The following FOXJ3 variants were observed in gnomAD, a reference collection of about 807,000 sequenced individuals.
FOXJ3 encodes forkhead box J3.
In FOXJ3, 22 loss-of-function variants were observed where a neutral mutation model predicts 76.1. The ratio of observed to expected loss-of-function variants is 0.29; its 90% CI spans 0.21 to 0.41. The LOEUF is 0.41. Ranked by LOEUF, FOXJ3 falls within the 10% of genes least tolerant of loss-of-function variation. The pLI is 1.00. For missense variants in FOXJ3, 613 were observed against 762.1 expected (o/e 0.80, Z 2.30); for synonymous variants, 269 against 261.2 (o/e 1.03, Z -0.29).
intron 2 of FOXJ3, among the ~76,000 whole-genome samples, chr1:42,287,747 G>A (rs1399070085): frequency 5.9e-5 from 9 of 152,108 alleles, no homozygotes; most frequent in Admixed American, 3.3e-4. Context: ...GATCGCTTGA[G>A]CCCAGGAGTT....
intron 2 of FOXJ3, among the ~76,000 whole-genome samples, chr1:42,286,790 C>T (rs989940170): frequency 2.6e-5 from 4 of 151,914 alleles, no homozygotes; most frequent in African/African-American, 7.2e-5. Context: ...TGTGCCACCA[C>T]GCCCGGTTAA....
chr1:42,228,325 T>C (rs1647753207), intron 4 of FOXJ3, among the ~76,000 whole-genome samples: 2 of 152,128 alleles, frequency 1.3e-5, no homozygotes, highest in Admixed American at 1.3e-4. Context: ...GTAGTTTCTA[T>C]AGCCCAGGAC....
At chr1:42,271,936 C>T (rs1442742433) in intron 3 of FOXJ3, among the ~76,000 whole-genome samples, 2 of 152,126 alleles carry the variant, frequency 1.3e-5, no homozygotes, top group Non-Finnish European at 2.9e-5. Flanking sequence ...GAGCCATGAG[C>T]CCCCACTGCA....
intron 5 of FOXJ3, among the ~76,000 whole-genome samples, chr1:42,209,519 GGA>G (rs1646925653): frequency 6.6e-6 from 1 of 152,106 alleles, no homozygotes; most frequent in Non-Finnish European, 1.5e-5. Context: ...AGCTTGAGTG[GGA>G]GAGAGACTTC....
In FOXJ3 at chr1:42,181,809, A is replaced by G; in HGVS notation, c.1753+108T>C. ...TCTCAATATTAAACTCTGGGTAATA[A>G]CTGACACACACACACACACTCTCTC... On this transcript the variant is annotated intron_variant, in intron 12 of 12. Transcript: ENST00000361346. 6.1e-6 allele frequency: 4 copies of G among 655,058 alleles called. No individual in the cohort carries two copies. In the South Asian group the frequency reaches 8.4e-5, roughly 14 times the overall value. 40.6% of individuals were successfully genotyped at this position (655,058 alleles called of 1,614,324 possible). A position where few individuals can be genotyped will look rare whatever the true frequency, so the allele number is the denominator to read the frequency against.
chr1:42,297,299 G>A (rs574714938), intron 2 of FOXJ3, among the ~76,000 whole-genome samples: 2 of 152,210 alleles, frequency 1.3e-5, no homozygotes, highest in Admixed American at 1.3e-4. Flanking sequence ...AGGATTTCCA[G>A]TACTATGTTG....
intron 5 of FOXJ3, among the ~76,000 whole-genome samples, chr1:42,207,157 C>T (rs1646876782): frequency 6.6e-6 from 1 of 152,118 alleles, no homozygotes; most frequent in Admixed American, 6.5e-5. Flanking sequence ...TGTATATTTA[C>T]ATCCATTAAT....
chr1:42,244,378 T>A (rs1056502028), intron 4 of FOXJ3, among the ~76,000 whole-genome samples: 1 of 152,150 alleles, frequency 6.6e-6, no homozygotes, highest in African/African-American at 2.4e-5. Context: ...TAGCCTGGCA[T>A]GGTGACATCT....
intron 4 of FOXJ3, among the ~76,000 whole-genome samples, chr1:42,242,042 C>G (rs2124526133): frequency 6.6e-6 from 1 of 152,294 alleles, no homozygotes; most frequent in Middle Eastern, 3.4e-3. Context: ...ATGGAGACTA[C>G]ACTGCTACAT....
chr1:42,206,969 T>G (rs888793443), intron 5 of FOXJ3, among the ~76,000 whole-genome samples: 5 of 152,062 alleles, frequency 3.3e-5, no homozygotes, highest in African/African-American at 1.2e-4. Context: ...TAGCTGGGAT[T>G]ACAGGTGTGT....
chr1:42,316,229 C>A (rs575585460), intron 1 of FOXJ3, among the ~76,000 whole-genome samples: 1 of 151,328 alleles, frequency 6.6e-6, no homozygotes, highest in Non-Finnish European at 1.5e-5. Flanking sequence ...AGTACAGTGG[C>A]CAGATGATAG....
At position 42,199,157 on chromosome 1, in the gene FOXJ3, T is replaced by G. The variant is rs539895054; in HGVS notation, c.704A>C (p.Gln235Pro). The change falls in exon 7 of 13, where the codon CAG (glutamine) becomes CCG (proline). Residue 235 changes from glutamine (Q) to proline (P), a missense_variant. By Grantham distance (76) the Gln-to-Pro change is moderately conservative. Coordinates refer to ENST00000361346, the MANE Select transcript of FOXJ3 (RefSeq NM_014947.5). ...RSSLNNSLSDQSLASVNLNSV... is the reference protein window; with the variant it reads ...RSSLNNSLSDPSLASVNLNSV... ...GTTCAAATTAACAGATGCCAAACTCTGGTCTGAGAGACTGTTGTTAAGGCT... is the reference window on the plus strand; with the variant it reads ...GTTCAAATTAACAGATGCCAAACTCGGGTCTGAGAGACTGTTGTTAAGGCT... The G allele has an allele frequency of 6.2e-7, 1 of 1,613,400 alleles. No homozygotes were observed. Among genetic ancestry groups the G allele is most frequent in the African/African-American group, 1.3e-5 (1 of 75,046 alleles).
At chr1:42,255,249 A>G (rs1363600957) in intron 4 of FOXJ3, among the ~76,000 whole-genome samples, 1 of 152,202 alleles carries the variant, frequency 6.6e-6, no homozygotes, top group African/African-American at 2.4e-5. Flanking sequence ...CAAGAGGTAG[A>G]GTAGGCGGTA....
At chr1:42,280,438 T>TAAAAA (rs71065112) in intron 2 of FOXJ3, 1,505 of 77,526 alleles carry the variant, frequency 0.019, 254 homozygotes, top group East Asian at 0.038. Context: ...TCAGAGATCT[T>TAAAAA]AAAAAAAAAA....
chr1:42,254,343 A>G (rs1650387387), intron 4 of FOXJ3, among the ~76,000 whole-genome samples: 1 of 148,492 alleles, frequency 6.7e-6, no homozygotes, highest in South Asian at 2.2e-4. Context: ...GTGGAGAAAT[A>G]GGAACACTTT....
At chr1:42,297,622 C>T (rs1435014614) in intron 2 of FOXJ3, among the ~76,000 whole-genome samples, 1 of 152,162 alleles carries the variant, frequency 6.6e-6, no homozygotes, top group Admixed American at 6.5e-5. Context: ...CCCACTTGAT[C>T]ATGATTTATT....
At chr1:42,192,963 T>C (rs1361090655) in intron 8 of FOXJ3, among the ~76,000 whole-genome samples, 1 of 152,142 alleles carries the variant, frequency 6.6e-6, no homozygotes, top group Non-Finnish European at 1.5e-5. Flanking sequence ...ATATAAGGAA[T>C]CTATAGGGTT....
rs191904039 is a variant in FOXJ3, at chr1:42,319,962, C to G, written c.-17-8852G>C. On this transcript the variant is annotated intron_variant, in intron 1 of 12. Coordinates refer to ENST00000361346, the MANE Select transcript of FOXJ3 (RefSeq NM_014947.5). ...TCACTAAACACGTTTAATGAAGATA[C>G]ATGTACAGCCAATAAAAAAGTTTCA... Among the ~76,000 whole-genome samples, 19 of 152,252 alleles carry G rather than the reference C, an allele frequency of 1.2e-4. No homozygotes were observed. In the East Asian group the frequency reaches 3.7e-3, roughly 29 times the overall value.
intron 1 of FOXJ3, among the ~76,000 whole-genome samples, chr1:42,329,389 C>G (rs1656024859): frequency 6.6e-6 from 1 of 152,148 alleles, no homozygotes; most frequent in Non-Finnish European, 1.5e-5. Flanking sequence ...TATTTGTGCA[C>G]TAAAATCATG....
Sources: gnomAD v4.1 joint callset for allele counts (sites outside exome capture counted in the v4.1 genomes callset) on GRCh38, gnomAD v4.1.1 for gene constraint, MANE v1.5 for transcripts, NCBI Gene and HGNC (gene_info 2026-07-23, HGNC 2026-07-21) for gene names.